ARHGAP25: variants seen among roughly 807,000 people sequenced by gnomAD.
The protein encoded by ARHGAP25 is rho GTPase-activating protein 25.
Under a neutral mutation model 71.0 loss-of-function variants are expected in ARHGAP25, and 34 were observed. The observed-to-expected ratio is 0.48, with a 90% confidence interval of 0.36 to 0.64. ARHGAP25 has a LOEUF of 0.64. Among genes scored for constraint, ARHGAP25 ranks in the 30% least tolerant of loss-of-function variants. The pLI is 0.00. For missense variants in ARHGAP25, 706 were observed against 805.1 expected (o/e 0.88, Z 1.49); for synonymous variants, 282 against 296.5 (o/e 0.95, Z 0.50).
intron 1 of ARHGAP25, among the ~76,000 whole-genome samples, chr2:68,751,636 G>A (rs1449675424): frequency 6.6e-6 from 1 of 152,168 alleles, no homozygotes; most frequent in African/African-American, 2.4e-5. Context: ...GCTTCAGTAA[G>A]CCCAAAACCC....
intron 1 of ARHGAP25, among the ~76,000 whole-genome samples, chr2:68,774,198 C>T (rs1677672495): frequency 1.3e-5 from 2 of 152,098 alleles, no homozygotes; most frequent in South Asian, 2.1e-4. Flanking sequence ...GAGGGCAGTG[C>T]AGGCCAAGGA....
chr2:68,755,460 A>G (rs1676420841), intron 1 of ARHGAP25, among the ~76,000 whole-genome samples: 1 of 152,188 alleles, frequency 6.6e-6, no homozygotes, highest in African/African-American at 2.4e-5. Context: ...CTCTTTTTCA[A>G]AATTATACAA....
At chr2:68,752,888 AAGAG>A (rs907744181) in intron 1 of ARHGAP25, among the ~76,000 whole-genome samples, 1 of 152,050 alleles carries the variant, frequency 6.6e-6, no homozygotes, top group East Asian at 1.9e-4. Context: ...GAGAGAGAGA[AAGAG>A]AGAGAGATAT....
intron 6 of ARHGAP25, among the ~76,000 whole-genome samples, chr2:68,815,640 A>G (rs1251040960): frequency 6.6e-6 from 1 of 151,882 alleles, no homozygotes; most frequent in African/African-American, 2.4e-5. Flanking sequence ...TCTCACAAGC[A>G]CCATGTTGCA....
chr2:68,806,942 G>A (rs552761150), intron 4 of ARHGAP25, among the ~76,000 whole-genome samples: 2 of 152,328 alleles, frequency 1.3e-5, no homozygotes, highest in Middle Eastern at 3.4e-3. Context: ...ACAGTAAGGT[G>A]CGTGTGACAT....
At chr2:68,731,259 T>C (rs1675014659), upstream of ARHGAP25, among the ~76,000 whole-genome samples, 1 of 152,002 alleles carries the variant, frequency 6.6e-6, no homozygotes, top group Non-Finnish European at 1.5e-5. Context: ...CCTCACTGTT[T>C]TTGTGCGTGC....
chr2:68,785,122 G>A (rs1678655556), intron 3 of ARHGAP25, among the ~76,000 whole-genome samples: 1 of 152,190 alleles, frequency 6.6e-6, no homozygotes, highest in African/African-American at 2.4e-5. Flanking sequence ...CAGGAGACAA[G>A]AATAGGACAT....
At chr2:68,773,938 T>C (rs533267727) in intron 1 of ARHGAP25, among the ~76,000 whole-genome samples, 1 of 152,316 alleles carries the variant, frequency 6.6e-6, no homozygotes, top group African/African-American at 2.4e-5. Context: ...TATCCTAATT[T>C]AGCAAGTGAG....
At chr2:68,772,192 C>A (rs1417393081) in intron 1 of ARHGAP25, among the ~76,000 whole-genome samples, 4 of 152,230 alleles carry the variant, frequency 2.6e-5, no homozygotes, top group Non-Finnish European at 5.9e-5. Flanking sequence ...CTTCTGCTAA[C>A]CGCTTCCCAC....
chr2:68,775,408 C>A lies in ARHGAP25; in HGVS notation c.249C>A (p.Asp83Glu), dbSNP rs754440012. ...QQLYYYKDEE[D>E]TKPQGCMYLP... is the part of the protein sequence containing the mutation. ...TCTACTACTACAAGGATGAAGAGGA[C>A]ACGAAGCCCCAGGTACCAGCCAGGC... Residue 83 changes from aspartate (D) to glutamate (E), a missense_variant, in exon 2 of 11, where the codon GAC becomes GAA. Physicochemically the swap from Asp to Glu is conservative, Grantham distance 45. Coordinates refer to ENST00000409202, the MANE Select transcript of ARHGAP25 (RefSeq NM_001007231.3). 1.9e-6 allele frequency: 3 copies of A among 1,614,238 alleles called. No individual in the cohort carries two copies. In the South Asian group the frequency reaches 3.3e-5, roughly 18 times the overall value.
intron 4 of ARHGAP25, among the ~76,000 whole-genome samples, chr2:68,789,603 A>G (rs1418771371): frequency 6.6e-6 from 1 of 152,154 alleles, no homozygotes; most frequent in Non-Finnish European, 1.5e-5. Flanking sequence ...AGCTGTGACC[A>G]TCCTTATTGC....
intron 4 of ARHGAP25, among the ~76,000 whole-genome samples, chr2:68,805,927 C>T (rs1030117229): frequency 2.6e-5 from 4 of 152,162 alleles, no homozygotes; most frequent in Non-Finnish European, 5.9e-5. Flanking sequence ...GTCTTCTGAA[C>T]CTCCAGGGTA....
At position 68,711,862 on chromosome 2, in the gene ARHGAP25, G is replaced by A. The variant is rs762021171; in HGVS notation, c.-18+1164G>A. On this transcript the variant is annotated intron_variant and NMD_transcript_variant, in intron 2 of 7. Coordinates refer to the ARHGAP25 transcript ENST00000463483. ...AGGACATGAACTCATCCTTTTTTAC[G>A]GATGAATAGTATTCCATGATATATA... Among the ~76,000 whole-genome samples, 6 of 152,060 alleles carry A rather than the reference G, an allele frequency of 3.9e-5. No individual in the cohort carries two copies. The East Asian group carries it at 9.6e-4, about 24-fold the overall frequency.
chr2:68,823,325 C>A (rs928828459), intron 10 of ARHGAP25, among the ~76,000 whole-genome samples: 5 of 152,082 alleles, frequency 3.3e-5, no homozygotes, highest in Non-Finnish European at 7.4e-5. Flanking sequence ...ATGGACAATA[C>A]AAATATATAA....
intron 1 of ARHGAP25, among the ~76,000 whole-genome samples, chr2:68,754,943 A>G (rs934508544): frequency 2.0e-5 from 3 of 152,068 alleles, no homozygotes; most frequent in Admixed American, 1.3e-4. Flanking sequence ...TTTTTCAGAT[A>G]TGTGATCTGC....
rs374082279 is a variant in ARHGAP25 at position 68,782,790 on chromosome 2, A to G, written c.349+470A>G. Among the ~76,000 whole-genome samples the G allele has an allele frequency of 5.3e-5, 8 of 152,336 alleles. No homozygotes were observed. The East Asian group carries it at 1.2e-3, about 22-fold the overall frequency. The stretch of plus-strand genomic sequence containing the variant: ...TGGTTCCACCCATTGCATCTCACCC[A>G]TTGCACATGATTGGCACATTGGAGG... On this transcript the variant is annotated intron_variant, in intron 3 of 10. Transcript: ENST00000409202.
intron 2 of ARHGAP25, among the ~76,000 whole-genome samples, chr2:68,715,341 T>C (rs141080336): frequency 6.6e-6 from 1 of 152,318 alleles, no homozygotes; most frequent in East Asian, 1.9e-4. Context: ...GCCATTCTGA[T>C]GCCTGCTCAA....
intron 2 of ARHGAP25, among the ~76,000 whole-genome samples, chr2:68,777,865 AC>A (rs1305386012): frequency 6.6e-6 from 1 of 152,170 alleles, no homozygotes; most frequent in African/African-American, 2.4e-5. Flanking sequence ...AGAAATAGCC[AC>A]CTATATCCCC....
chr2:68,817,936 T>C lies in ARHGAP25; in HGVS notation c.945T>C (p.Thr315=), dbSNP rs142705340. 1.6e-4 allele frequency: 266 copies of C among 1,614,156 alleles called. 2 individuals carry two copies. In the East Asian group the frequency reaches 2.2e-3, roughly 14 times the overall value. ...VNKMSVDNLA[T]VIGVNLIRSK... is the part of the protein sequence containing the mutation. ...AGATGAGTGTGGACAACCTGGCTAC[T>C]GTGATTGGTGTGAATCTCATCAGGT... Residue 315 remains threonine (T), a synonymous_variant, in exon 8 of 11, where the codon ACT becomes ACC. Transcript: ENST00000409202.
Sources: allele counts gnomAD v4.1 joint callset (sites outside exome capture counted in the v4.1 genomes callset), GRCh38; gene constraint gnomAD v4.1.1; transcripts MANE v1.5; gene names NCBI Gene and HGNC (gene_info 2026-07-23, HGNC 2026-07-21).